Variants in EYA4 observed in about 807,000 individuals in gnomAD.
EYA4 encodes EYA transcriptional coactivator and phosphatase 4.
In EYA4, 31 loss-of-function variants were observed where a neutral mutation model predicts 87.9. The ratio of observed to expected loss-of-function variants is 0.35; its 90% confidence interval spans 0.27 to 0.48. The LOEUF (loss-of-function observed/expected upper bound fraction) is 0.48. Ranked by LOEUF, EYA4 falls within the 20% of genes least tolerant of loss-of-function variation. The pLI, the probability that EYA4 is intolerant of heterozygous loss-of-function variation, is 0.99. For synonymous variants in EYA4, 263 were observed against 270.6 expected, an observed-to-expected ratio of 0.97 and a Z score of 0.28; for missense variants, 678 against 761.4, an observed-to-expected ratio of 0.89 and a Z score of 1.29.
Position 133,462,386 on chromosome 6 carries a change from T to C in EYA4, c.489T>C (p.Tyr163=), listed in dbSNP as rs768669287. Residue 163 remains tyrosine, a synonymous_variant, in exon 8 of 20, where the codon TAT becomes TAC. Transcript: ENST00000355286. ...STPAAQTMSA[Y]AGQTQYSGMQ... ...CAGCAGCTCAAACAATGTCTGCCTATGCAGGCCAGACTCAGTATTCGGGGA... is the reference window on the plus strand; with the variant it reads ...CAGCAGCTCAAACAATGTCTGCCTACGCAGGCCAGACTCAGTATTCGGGGA... The C allele has an allele frequency of 2.5e-6, 4 of 1,613,932 alleles. No individual in the cohort carries two copies. The highest frequency in any genetic ancestry group is 1.7e-5 in the Admixed American group (1 of 59,996).
chr6:133,444,595 G>T, intron 3 of EYA4, among the ~76,000 whole-genome samples: 1 of 152,186 alleles, frequency 6.6e-6, no homozygotes, highest in East Asian at 1.9e-4. Context: ...AGAGGCCCTA[G>T]ACTATGGTGA....
intron 1 of EYA4, among the ~76,000 whole-genome samples, chr6:133,243,654 CTTTT>C (rs200732942): frequency 8.9e-5 from 12 of 134,352 alleles, no homozygotes; most frequent in Non-Finnish European, 1.7e-4. Flanking sequence ...GAATCAGTGC[CTTTT>C]TTTTTTTTTT....
intron 11 of EYA4, among the ~76,000 whole-genome samples, chr6:133,475,649 A>G (rs1795655989): frequency 6.6e-6 from 1 of 152,140 alleles, no homozygotes; most frequent in African/African-American, 2.4e-5. Context: ...ACCACATTCA[A>G]CTGCTCTGCC....
chr6:133,283,741 G>A (rs542532113), intron 2 of EYA4, among the ~76,000 whole-genome samples: 5 of 152,274 alleles, frequency 3.3e-5, no homozygotes, highest in South Asian at 2.1e-4. Context: ...ATTGCATGGT[G>A]ATGAAGTCTG....
At chr6:133,298,647 C>G (rs1779127469) in intron 2 of EYA4, among the ~76,000 whole-genome samples, 1 of 152,122 alleles carries the variant, frequency 6.6e-6, no homozygotes, top group African/African-American at 2.4e-5. Flanking sequence ...TCCGCATCTC[C>G]AAAATCAGAA....
At chr6:133,508,954 C>G (rs1352934538) in intron 14 of EYA4, among the ~76,000 whole-genome samples, 2 of 152,142 alleles carry the variant, frequency 1.3e-5, no homozygotes, top group Non-Finnish European at 2.9e-5. Flanking sequence ...AACCCTAGAA[C>G]TTAGCTATTC....
chr6:133,364,858 C>T (rs1784738211), intron 2 of EYA4, among the ~76,000 whole-genome samples: 1 of 152,218 alleles, frequency 6.6e-6, no homozygotes, highest in Non-Finnish European at 1.5e-5. Context: ...GCCTAATCTC[C>T]TCCTGGTTTG....
chr6:133,493,281 A>G (rs2128732526), intron 13 of EYA4, among the ~76,000 whole-genome samples: 1 of 152,288 alleles, frequency 6.6e-6, no homozygotes, highest in Admixed American at 6.5e-5. Context: ...GAGTACCTAG[A>G]AACAAATTCA....
chr6:133,326,650 C>T (rs1359263693), intron 2 of EYA4, among the ~76,000 whole-genome samples: 2 of 152,206 alleles, frequency 1.3e-5, no homozygotes, highest in Non-Finnish European at 2.9e-5. Context: ...CTCTCGGGTT[C>T]ACAGGCCTTT....
chr6:133,262,660 T>C (rs1028814149), intron 1 of EYA4, among the ~76,000 whole-genome samples: 8 of 152,252 alleles, frequency 5.3e-5, no homozygotes, highest in African/African-American at 9.6e-5. Flanking sequence ...AATGAACTTA[T>C]GACAAATGAC....
chr6:133,396,500 A>C (rs1015812964), intron 3 of EYA4, among the ~76,000 whole-genome samples: 3 of 152,206 alleles, frequency 2.0e-5, no homozygotes, highest in African/African-American at 7.2e-5. Context: ...AAGGCATTAC[A>C]TAGGAGCATC....
At chr6:133,401,877 C>A (rs9493617) in intron 3 of EYA4, among the ~76,000 whole-genome samples, 1 of 152,262 alleles carries the variant, frequency 6.6e-6, no homozygotes, top group South Asian at 2.1e-4. Context: ...TATTTCCCTG[C>A]ATACCTCTCT....
chr6:133,379,522 T>G (rs1012380920), intron 2 of EYA4, among the ~76,000 whole-genome samples: 2 of 152,164 alleles, frequency 1.3e-5, no homozygotes, highest in African/African-American at 4.8e-5. Context: ...CTTTTTTGTC[T>G]TCGGTATATC....
At chr6:133,448,269 T>C in intron 5 of EYA4, 90 bp downstream of exon 5, 1 of 965,892 alleles carries the variant, frequency 1.0e-6, no homozygotes, top group Middle Eastern at 2.1e-4. Flanking sequence ...TGTTTGCATC[T>C]CTTTTCTGTG....
intron 17 of EYA4, among the ~76,000 whole-genome samples, chr6:133,519,629 T>C (rs1005640596): frequency 1.3e-5 from 2 of 151,184 alleles, no homozygotes; most frequent in Non-Finnish European, 1.5e-5. Flanking sequence ...GAGGGAATCC[T>C]CTCTAACTCA....
intron 3 of EYA4, among the ~76,000 whole-genome samples, chr6:133,414,044 T>C (rs552772697): frequency 6.6e-6 from 1 of 152,222 alleles, no homozygotes. Flanking sequence ...CTACTGTTAC[T>C]ACTCCAGTTC....
intron 2 of EYA4, among the ~76,000 whole-genome samples, chr6:133,351,024 A>G (rs1783600517): frequency 6.6e-6 from 1 of 151,184 alleles, no homozygotes; most frequent in Admixed American, 6.6e-5. Flanking sequence ...GTAACATTTT[A>G]GGAGATGCTG....
At chr6:133,480,748 G>T (rs1450149783) in intron 11 of EYA4, among the ~76,000 whole-genome samples, 1 of 151,998 alleles carries the variant, frequency 6.6e-6, no homozygotes, top group Non-Finnish European at 1.5e-5. Flanking sequence ...TAACATAGCT[G>T]ATAAAAAACT....
intron 14 of EYA4, chr6:133,510,510 G>A (rs1445860868): frequency 4.9e-5 from 15 of 303,070 alleles, no homozygotes; most frequent in Non-Finnish European, 8.6e-5. Context: ...ATGCTAATGG[G>A]TAAAATCTCT....
Sources: gnomAD v4.1 joint callset for allele counts (sites outside exome capture counted in the v4.1 genomes callset) on GRCh38, gnomAD v4.1.1 for gene constraint, MANE v1.5 for transcripts, NCBI Gene and HGNC (gene_info 2026-07-23, HGNC 2026-07-21) for gene names.